Variants in PNKP observed in about 807,000 individuals in gnomAD.
PNKP encodes polynucleotide kinase 3'-phosphatase, also known as bifunctional polynucleotide phosphatase/kinase.
Under a neutral mutation model 66.2 loss-of-function variants are expected in PNKP, and 82 were observed. That is an observed-to-expected ratio of 1.24 (90% CI 1.04 to 1.49). PNKP has a LOEUF of 1.49. PNKP is among the 40% of genes most tolerant of loss of function. The pLI is 0.00. For missense variants in PNKP, 907 were observed against 706.8 expected, an observed-to-expected ratio of 1.28 and a Z score of -3.21; for synonymous variants, 412 against 298.9, an observed-to-expected ratio of 1.38 and a Z score of -3.90.
intron 15 of PNKP, 25 bp from the exon 16 acceptor site, chr19:49,861,535 C>CAG: frequency 9.4e-6 from 15 of 1,604,086 alleles, no homozygotes; most frequent in Non-Finnish European, 1.3e-5. Flanking sequence ...AGAGGGGCGG[C>CAG]AGGCCCAGGG....
chr19:49,862,665 C>T (rs772732957), intron 9 of PNKP, 25 bp downstream of exon 9: 2 of 1,614,042 alleles, frequency 1.2e-6, no homozygotes, highest in South Asian at 1.1e-5. Context: ...TCCCAGCCCA[C>T]CCTCAGCAGC....
intron 4 of PNKP, among the ~76,000 whole-genome samples, 185 bp downstream of exon 4, chr19:49,864,942 G>A (rs1203062454): frequency 1.3e-5 from 2 of 152,160 alleles, no homozygotes; most frequent in Non-Finnish European, 2.9e-5. Flanking sequence ...GGTCACTGTG[G>A]GTAACGCAGG....
In PNKP at chr19:49,862,530, G is replaced by T. The variant is rs763573850; in HGVS notation, c.936+8C>A. On this transcript the variant is annotated splice_region_variant and intron_variant, in intron 10 of 16. Transcript: ENST00000322344. ...GCTCGGGCGCGGGGCAGGGGGCAGG[G>T]GCCTCACCAGGCGATCGGCGCAGGA... 2 of 1,607,708 alleles carry T rather than the reference G, an allele frequency of 1.2e-6. No individual in the cohort carries two copies. Among genetic ancestry groups the T allele is most frequent in the South Asian group, 2.2e-5 (2 of 90,328 alleles).
At position 49,864,051 on chromosome 19, in the gene PNKP, C is replaced by T. The variant is rs1332607261; in HGVS notation, c.657G>A (p.Gln219=). 1.2e-6 allele frequency: 2 copies of T among 1,613,904 alleles called. No individual in the cohort carries two copies. Among genetic ancestry groups the T allele is most frequent in the East Asian group, 2.2e-5 (1 of 44,896 alleles). The change falls in exon 7 of 17, where the codon CAG becomes CAA. Residue 219 remains glutamine, a synonymous_variant. Transcript: ENST00000322344. ...GCAGCTTCCCGCGCCCGATGCTCAT[C>T]TGGTTGGTGAAGATCACCAGCTGGG... ...EGYKLVIFTN[Q]MSIGRGKLPA... is the part of the protein sequence containing the mutation.
chr19:49,864,516 C>A (rs926779502), intron 4 of PNKP, 113 bp from the exon 5 acceptor site: 3 of 826,598 alleles, frequency 3.6e-6, no homozygotes, highest in African/African-American at 3.3e-5. Flanking sequence ...TGCCATCTCA[C>A]AGATGGGGAA....
In PNKP at chr19:49,862,366, CTCACCGGA is replaced by C. The variant is rs1401237384; in HGVS notation, c.1026_1029+4del. The C allele has an allele frequency of 4.7e-6, 7 of 1,492,038 alleles. No homozygotes were observed. Among genetic ancestry groups the C allele is most frequent in the Non-Finnish European group, 5.5e-6 (6 of 1,094,396 alleles). The allele number at this position is 1,492,038 out of a possible 1,614,324, so 92.4% of individuals were successfully genotyped here. A position where few individuals can be genotyped will look rare whatever the true frequency, so the allele number is the denominator to read the frequency against. ...CCCACCCCCACCCCCGCCCCAGGGC[CTCACCGGA>C]TCAAAGGCTGGGAGCTCGAAGCCGG... On this transcript the variant is annotated splice_donor_variant and splice_donor_region_variant and coding_sequence_variant and intron_variant, in exon 11 of 17. Transcript: ENST00000322344. LOFTEE classifies it high-confidence loss of function.
chr19:49,865,619 T>G, intron 3 of PNKP, 193 bp from the exon 4 acceptor site: 1 of 485,690 alleles, frequency 2.1e-6, no homozygotes, highest in Non-Finnish European at 3.5e-6. Flanking sequence ...TTTTTTTTTT[T>G]TTTTTTCCCC....
Position 49,862,709 on chromosome 19 carries a change from C to T in PNKP, c.846G>A (p.Gly282=), listed in dbSNP as rs2122329116. 1 of 1,614,122 alleles carries T rather than the reference C, an allele frequency of 6.2e-7. No homozygotes were observed. The highest frequency in any genetic ancestry group is 1.1e-5 in the South Asian group (1 of 91,082). Residue 282 remains glycine (G), a synonymous_variant, in exon 9 of 17, where the codon GGG becomes GGA. Coordinates refer to ENST00000322344, the MANE Select transcript of PNKP (RefSeq NM_007254.4). ...CCTTACCTCCCACAAAGATGCTGTC[C>T]CCGATGGATATGGGCGTGCCGTCGT... The part of the protein sequence containing the change: ...QANDGTPISI[G]DSIFVGDAAG...
chr19:49,862,711 C>A lies in PNKP; in HGVS notation c.844G>T (p.Gly282Trp). 2 of 1,614,104 alleles carry A rather than the reference C, an allele frequency of 1.2e-6. No homozygotes were observed. Among genetic ancestry groups the A allele is most frequent in the Non-Finnish European group, 1.7e-6 (2 of 1,179,966 alleles). Residue 282 changes from glycine to tryptophan, a missense_variant, in exon 9 of 17, where the codon GGG (glycine) becomes TGG (tryptophan). Transcript: ENST00000322344. ...QANDGTPISI[G>W]DSIFVGDAAG... ...TTACCTCCCACAAAGATGCTGTCCC[C>A]GATGGATATGGGCGTGCCGTCGTTG...
rs775042023 is a variant in PNKP, at chr19:49,861,858, G to A, written c.1212C>T (p.Arg404=). Reference sequence around the variant, plus strand: ...GGGCTGTCTCACACGTGGTCACACAGCGCTGCCAGGAGCCTAGCGTGTCCT... The same window carrying A: ...GGGCTGTCTCACACGTGGTCACACAACGCTGCCAGGAGCCTAGCGTGTCCT... The part of the protein sequence containing the change: ...VNRDTLGSWQ[R]CVTTCETALK... Residue 404 remains arginine, a synonymous_variant, in exon 14 of 17, where the codon CGC becomes CGT. Coordinates refer to ENST00000322344, the MANE Select transcript of PNKP (RefSeq NM_007254.4). The A allele has an allele frequency of 3.8e-6, 6 of 1,592,064 alleles. No homozygotes were observed. Among genetic ancestry groups the A allele is most frequent in the Non-Finnish European group, 5.1e-6 (6 of 1,172,158 alleles).
At position 49,861,343 on chromosome 19, in the gene PNKP, GC is replaced by G; in HGVS notation, c.1470del (p.Leu491TrpfsTer?). The G allele has an allele frequency of 6.2e-7, 1 of 1,614,216 alleles. No homozygotes were observed. The highest frequency in any genetic ancestry group is 8.5e-7 in the Non-Finnish European group (1 of 1,180,030). ...YGYRKQFEAPTLAEGFSAILE... is the reference protein window; with the variant it reads ...YGYRKQFEAPXLAEGFSAILE... ...AGGATGGCAGAGAAGCCTTCAGCCAGCGTTGGGGCCTCGAACTGCTTCCTGG... is the reference window on the plus strand; with the variant it reads ...AGGATGGCAGAGAAGCCTTCAGCCAGGTTGGGGCCTCGAACTGCTTCCTGG... On this transcript the variant is annotated frameshift_variant, in exon 17 of 17. Coordinates refer to ENST00000322344, the MANE Select transcript of PNKP (RefSeq NM_007254.4). LOFTEE classifies it high-confidence loss of function.
intron 11 of PNKP, 22 bp downstream of exon 11, chr19:49,862,349 C>T (rs756402578): frequency 2.6e-5 from 39 of 1,496,892 alleles, no homozygotes; most frequent in Non-Finnish European, 3.3e-5. Flanking sequence ...TCCCCACCCC[C>T]ACCCCCGCCC....
Position 49,861,755 on chromosome 19 carries a change from C to T in PNKP, c.1298+17G>A, listed in dbSNP as rs758965167. 1.9e-6 allele frequency: 3 copies of T among 1,559,588 alleles called. No individual in the cohort carries two copies. Among genetic ancestry groups the T allele is most frequent in the African/African-American group, 1.4e-5 (1 of 72,656 alleles). On this transcript the variant is annotated intron_variant, in intron 14 of 16. Coordinates refer to ENST00000322344, the MANE Select transcript of PNKP (RefSeq NM_007254.4). ...CCACCCCGCCGCAGGCCACCTACGG[C>T]CCCGCGGTCACGCTACCTGGCGCGG...
At chr19:49,867,025 A>ACACCCCCTCCAGCTCAGGCCC in intron 2 of PNKP, 29 bp downstream of exon 2, 1 of 1,610,706 alleles carries the variant, frequency 6.2e-7, no homozygotes, top group Non-Finnish European at 8.5e-7. Context: ...GCAGCAGGCC[A>ACACCCCCTCCAGCTCAGGCCC]CACCCCCTCC....
At chr19:49,863,406 C>G (rs1427940033) in intron 8 of PNKP, among the ~76,000 whole-genome samples, 1 of 152,234 alleles carries the variant, frequency 6.6e-6, no homozygotes, top group Admixed American at 6.5e-5. Flanking sequence ...AGCAGGCCGT[C>G]CCGCTCACTG....
rs900554852 is a variant in PNKP at position 49,861,219 on chromosome 19, G to T, written c.*29C>A. 1.4e-6 allele frequency: 2 copies of T among 1,453,116 alleles called. No individual in the cohort carries two copies. Among genetic ancestry groups the T allele is most frequent in the East Asian group, 2.3e-5 (1 of 44,072 alleles). 90.0% of individuals were successfully genotyped at this position (1,453,116 alleles called of 1,614,324 possible). A position where few individuals can be genotyped will look rare whatever the true frequency, so the allele number is the denominator to read the frequency against. Reference sequence around the variant, plus strand: ...CCGGCCAAGCTCAAGGAGAAACAGCGTTTATTGTGGAGGGGAGCTGGGCGG... The same window carrying T: ...CCGGCCAAGCTCAAGGAGAAACAGCTTTTATTGTGGAGGGGAGCTGGGCGG... On this transcript the variant is annotated 3_prime_UTR_variant, in exon 17 of 17. Transcript: ENST00000322344.
chr19:49,862,470 G>T lies in PNKP; in HGVS notation c.937-7C>A. The T allele has an allele frequency of 1.9e-6, 3 of 1,593,080 alleles. No individual in the cohort carries two copies. Among genetic ancestry groups the T allele is most frequent in the Non-Finnish European group, 2.6e-6 (3 of 1,169,608 alleles). On this transcript the variant is annotated splice_polypyrimidine_tract_variant and splice_region_variant and intron_variant, in intron 10 of 16. Transcript: ENST00000322344. ...GGCCAAGGTTGAGGGCAAACTAGGG[G>T]TTGAGGACGAACATCAGACACAGGC...
Position 49,864,131 on chromosome 19 carries a change from TCGGACCGCCACGTGCACGTGCCCATG to T in PNKP, c.636+22_636+47del, listed in dbSNP as rs755418385. ...CACCAGGGCCTTGGTCTGACTGCGG[TCGGACCGCCACGTGCACGTGCCCATG>T]CAGACAGGCGGCTGCACATACCTTG... On this transcript the variant is annotated intron_variant, in intron 6 of 16. Coordinates refer to ENST00000322344, the MANE Select transcript of PNKP (RefSeq NM_007254.4). 6 of 1,612,410 alleles carry T rather than the reference TCGGACCGCCACGTGCACGTGCCCATG, an allele frequency of 3.7e-6. No homozygotes were observed. In the African/African-American group the frequency reaches 5.3e-5, roughly 14 times the overall value.
Position 49,864,035 on chromosome 19 carries a change from C to A in PNKP, c.673G>T (p.Gly225Trp), listed in dbSNP as rs144257114. 1 of 1,613,988 alleles carries A rather than the reference C, an allele frequency of 6.2e-7. No individual in the cohort carries two copies. The highest frequency in any genetic ancestry group is 8.5e-7 in the Non-Finnish European group (1 of 1,180,016). Reference protein sequence around the residue: ...IFTNQMSIGRGKLPAEEFKAK... With the variant: ...IFTNQMSIGRWKLPAEEFKAK... ...TTGAACTCCTCGGCTGGCAGCTTCCCGCGCCCGATGCTCATCTGGTTGGTG... is the reference window on the plus strand; with the variant it reads ...TTGAACTCCTCGGCTGGCAGCTTCCAGCGCCCGATGCTCATCTGGTTGGTG... The change falls in exon 7 of 17, where the codon GGG becomes TGG. Residue 225 changes from glycine (G) to tryptophan (W), a missense_variant. Coordinates refer to ENST00000322344, the MANE Select transcript of PNKP (RefSeq NM_007254.4).
Sources: allele counts gnomAD v4.1 joint callset (sites outside exome capture counted in the v4.1 genomes callset), GRCh38; gene constraint gnomAD v4.1.1; transcripts MANE v1.5; gene names NCBI Gene and HGNC (gene_info 2026-07-23, HGNC 2026-07-21).